CSMD1: variants seen among roughly 807,000 people sequenced by gnomAD.
The protein encoded by CSMD1 is CUB and Sushi multiple domains 1.
In CSMD1, 213 loss-of-function variants were observed where a neutral mutation model predicts 417.5. The observed-to-expected ratio is 0.51, with a 90% CI of 0.46 to 0.57. CSMD1 has a LOEUF of 0.57. Among genes scored for constraint, CSMD1 ranks in the 20% least tolerant of loss-of-function variants. CSMD1 has a pLI of 0.00. For missense variants in CSMD1, 6,923 were observed against 4,529.7 expected, an observed-to-expected ratio of 1.53 and a Z score of -15.17; for synonymous variants, 2,862 against 1,736.8, an observed-to-expected ratio of 1.65 and a Z score of -16.11.
At chr8:3,814,397 G>A (rs75400633) in intron 5 of CSMD1, among the ~76,000 whole-genome samples, 5 of 152,144 alleles carry the variant, frequency 3.3e-5, no homozygotes, top group African/African-American at 1.2e-4. Context: ...CTATATCAGG[G>A]AGTAAACTTA....
At chr8:4,494,988 G>C (rs1348209085) in intron 2 of CSMD1, among the ~76,000 whole-genome samples, 2 of 151,910 alleles carry the variant, frequency 1.3e-5, no homozygotes, top group Admixed American at 6.6e-5. Flanking sequence ...AAGAAAAGAA[G>C]TACTAAAGAG....
chr8:3,537,462 A>C (rs1001914709), intron 10 of CSMD1, among the ~76,000 whole-genome samples: 1 of 152,252 alleles, frequency 6.6e-6, no homozygotes. Flanking sequence ...TTGTAACATA[A>C]TAAAATATGT....
At chr8:3,888,426 A>C (rs963296028) in intron 5 of CSMD1, among the ~76,000 whole-genome samples, 1 of 152,168 alleles carries the variant, frequency 6.6e-6, no homozygotes, top group Non-Finnish European at 1.5e-5. Context: ...TTTTACCTTA[A>C]TGCAAGGTTC....
intron 4 of CSMD1, among the ~76,000 whole-genome samples, chr8:4,005,112 T>C (rs9886397): frequency 0.2 from 30,334 of 151,894 alleles, 3,366 homozygotes; most frequent in African/African-American, 0.29. Context: ...ATAGGAATGA[T>C]ATAATGGACT....
intron 26 of CSMD1, among the ~76,000 whole-genome samples, chr8:3,250,807 T>C (rs1326671182): frequency 1.3e-5 from 2 of 152,230 alleles, no homozygotes; most frequent in Non-Finnish European, 2.9e-5. Context: ...ATTTCTCTGA[T>C]GGCCAGTGAT....
In CSMD1 at chr8:4,047,043, G is replaced by C. The variant is rs537358426; in HGVS notation, c.416-14944C>G. Among the ~76,000 whole-genome samples, 6 of 152,282 alleles carry C rather than the reference G, an allele frequency of 3.9e-5. No homozygotes were observed. The East Asian group carries it at 5.8e-4, about 15-fold the overall frequency. On this transcript the variant is annotated intron_variant, in intron 3 of 69. Transcript: ENST00000635120. The stretch of plus-strand genomic sequence containing the variant: ...GGTTGTGACATAGAGGGAACACCTG[G>C]AGTCCAAATGAATACAGAATTAAAT...
chr8:4,731,594 A>T (rs922869943), intron 1 of CSMD1, among the ~76,000 whole-genome samples: 4 of 152,210 alleles, frequency 2.6e-5, no homozygotes, highest in African/African-American at 7.2e-5. Context: ...TGTGAGGAAT[A>T]AAACTGAATA....
intron 3 of CSMD1, among the ~76,000 whole-genome samples, chr8:4,269,113 G>A (rs1294408960): frequency 6.6e-6 from 1 of 152,158 alleles, no homozygotes; most frequent in Non-Finnish European, 1.5e-5. Flanking sequence ...CTGGAGTGCA[G>A]TGGTGTGATC....
chr8:4,443,880 A>G (rs1212502808), intron 2 of CSMD1, among the ~76,000 whole-genome samples: 1 of 152,206 alleles, frequency 6.6e-6, no homozygotes, highest in Non-Finnish European at 1.5e-5. Flanking sequence ...ACACTCAGCT[A>G]TGTTTTCATT....
intron 11 of CSMD1, among the ~76,000 whole-genome samples, chr8:3,477,139 T>C (rs1275452351): frequency 2.0e-5 from 3 of 152,154 alleles, no homozygotes; most frequent in Non-Finnish European, 4.4e-5. Flanking sequence ...TGTTCAGACC[T>C]GAAGAAAAAT....
intron 2 of CSMD1, among the ~76,000 whole-genome samples, chr8:4,481,157 C>T (rs138372050): frequency 1.3e-3 from 196 of 152,306 alleles, no homozygotes; most frequent in Non-Finnish European, 2.2e-3. Context: ...ATGTAAGATT[C>T]CGAATACACA....
intron 1 of CSMD1, among the ~76,000 whole-genome samples, chr8:4,835,676 C>G (rs558815021): frequency 6.6e-6 from 1 of 152,186 alleles, no homozygotes; most frequent in Non-Finnish European, 1.5e-5. Context: ...TAACATTTTT[C>G]TTTTATTTGC....
At chr8:3,074,302 T>A (rs1163580676) in intron 49 of CSMD1, among the ~76,000 whole-genome samples, 1 of 152,168 alleles carries the variant, frequency 6.6e-6, no homozygotes. Flanking sequence ...GCCCGTCTGG[T>A]GAGGTCCTAC....
At chr8:4,454,085 G>C (rs1176338343) in intron 2 of CSMD1, among the ~76,000 whole-genome samples, 1 of 152,090 alleles carries the variant, frequency 6.6e-6, no homozygotes, top group Non-Finnish European at 1.5e-5. Context: ...GCCTCCCTAA[G>C]TGCTGGGATT....
Position 4,220,532 on chromosome 8 carries a change from G to A in CSMD1, c.416-188433C>T, listed in dbSNP as rs11989658. Among the ~76,000 whole-genome samples the A allele has an allele frequency of 1.9e-3, 295 of 152,282 alleles. 1 individual carries two copies. The highest frequency in any genetic ancestry group is 6.6e-3 in the African/African-American group (275 of 41,552). On this transcript the variant is annotated intron_variant, in intron 3 of 69. Transcript: ENST00000635120. The stretch of plus-strand genomic sequence containing the variant: ...AATCCTAGTGCAAGAGTGGAAACAT[G>A]GAGACATTACTAAACAATTTTAGGT...
At chr8:4,347,783 AAC>A (rs1800857854) in intron 3 of CSMD1, among the ~76,000 whole-genome samples, 2 of 152,192 alleles carry the variant, frequency 1.3e-5, no homozygotes, top group African/African-American at 4.8e-5. Context: ...AAGTTTTAGT[AAC>A]TCTAAATAAA....
intron 3 of CSMD1, among the ~76,000 whole-genome samples, chr8:4,360,663 T>G (rs1017810691): frequency 6.6e-6 from 1 of 152,060 alleles, no homozygotes; most frequent in Non-Finnish European, 1.5e-5. Flanking sequence ...GCTAATTTTT[T>G]TTTTGTTTTT....
intron 23 of CSMD1, among the ~76,000 whole-genome samples, chr8:3,316,098 C>T (rs1054571960): frequency 2.0e-5 from 3 of 152,114 alleles, no homozygotes; most frequent in Non-Finnish European, 4.4e-5. Context: ...GGGGCAAGAC[C>T]AGGATCAGGC....
chr8:3,275,131 C>G (rs201997174), intron 26 of CSMD1, among the ~76,000 whole-genome samples: 1 of 152,268 alleles, frequency 6.6e-6, no homozygotes, highest in East Asian at 1.9e-4. Flanking sequence ...CTGGTAGTGA[C>G]AAAATCTCTC....
Sources: gnomAD v4.1 joint callset for allele counts (sites outside exome capture counted in the v4.1 genomes callset) on GRCh38, gnomAD v4.1.1 for gene constraint, MANE v1.5 for transcripts, NCBI Gene and HGNC (gene_info 2026-07-23, HGNC 2026-07-21) for gene names.